The following DGLUCY variants were observed in gnomAD, a reference collection of about 807,000 sequenced individuals.
DGLUCY encodes D-glutamate cyclase, mitochondrial.
DGLUCY carries 58 observed loss-of-function variants against 58.5 expected under a neutral mutation model. The observed-to-expected ratio is 0.99, with a 90% confidence interval of 0.80 to 1.23. The LOEUF (loss-of-function observed/expected upper bound fraction) is 1.23, where lower values mean the gene tolerates loss of function less well. DGLUCY is among the 50% of genes most tolerant of loss of function. DGLUCY has a pLI of 0.00. For missense variants in DGLUCY, 779 were observed against 784.7 expected (o/e 0.99, Z 0.09); for synonymous variants, 325 against 314.1 (o/e 1.03, Z -0.37).
At chr14:91,116,723 A>G (rs1377798608) in intron 1 of DGLUCY, among the ~76,000 whole-genome samples, 1 of 152,218 alleles carries the variant, frequency 6.6e-6, no homozygotes, top group Non-Finnish European at 1.5e-5. Context: ...AGGCAGACAG[A>G]TCACAAGGTT....
At chr14:91,164,689 C>T (rs902562404) in intron 3 of DGLUCY, among the ~76,000 whole-genome samples, 8 of 152,278 alleles carry the variant, frequency 5.3e-5, no homozygotes, top group African/African-American at 1.2e-4. Context: ...CAAAGAGTCT[C>T]TCTCTCTCTC....
rs991125330 is a variant in DGLUCY at position 91,208,714 on chromosome 14, A to G, written c.1564+3889A>G. On this transcript the variant is annotated intron_variant, in intron 12 of 13. Transcript: ENST00000256324. ...CGGTGAGCCATGATTGTGCCACTAT[A>G]CTACAGCCTGGGTGACAGAGTCAGA... Among the ~76,000 whole-genome samples, 4 of 152,268 alleles carry G rather than the reference A, an allele frequency of 2.6e-5. No homozygotes were observed. In the East Asian group the frequency reaches 7.7e-4, roughly 29 times the overall value.
At position 91,126,918 on chromosome 14, in the gene DGLUCY, A is replaced by G. The variant is rs1489623626; in HGVS notation, c.-82+12635A>G. Among the ~76,000 whole-genome samples the G allele has an allele frequency of 2.0e-5, 3 of 152,096 alleles. No homozygotes were observed. In the East Asian group the frequency reaches 5.8e-4, roughly 29 times the overall value. ...AATAGCCACTGCACTCCACCCCTTG[A>G]CTGCCTGGCATCCATCCATGGCCTT... is the stretch of plus-strand genomic sequence containing the variant. On this transcript the variant is annotated intron_variant, in intron 1 of 13. Transcript: ENST00000256324.
chr14:91,173,912 C>G (rs987728851), intron 6 of DGLUCY, among the ~76,000 whole-genome samples: 2 of 151,886 alleles, frequency 1.3e-5, no homozygotes, highest in African/African-American at 4.8e-5. Flanking sequence ...ATTCCTGGCT[C>G]ATAACTCCTA....
intron 1 of DGLUCY, among the ~76,000 whole-genome samples, chr14:91,094,802 G>C (rs181545508): frequency 2.3e-3 from 344 of 150,718 alleles, no homozygotes; most frequent in Non-Finnish European, 3.7e-3. Context: ...TAGCCTGGGT[G>C]ACAAGAGCAA....
At chr14:91,208,158 A>G (rs777498230) in intron 12 of DGLUCY, among the ~76,000 whole-genome samples, 1 of 152,238 alleles carries the variant, frequency 6.6e-6, no homozygotes, top group Non-Finnish European at 1.5e-5. Flanking sequence ...AATAAAGACT[A>G]TGAAGCAAAT....
chr14:91,215,155 T>A (rs576276505), intron 12 of DGLUCY, among the ~76,000 whole-genome samples: 88 of 152,096 alleles, frequency 5.8e-4, no homozygotes, highest in Non-Finnish European at 9.0e-4. Context: ...TCTCAAAAAA[T>A]AATAATAATA....
At chr14:91,110,901 G>A (rs559773102), upstream of DGLUCY, among the ~76,000 whole-genome samples, 1 of 152,016 alleles carries the variant, frequency 6.6e-6, no homozygotes, top group East Asian at 1.9e-4. Context: ...GTAACTCCTC[G>A]TTCTCCTTCT....
chr14:91,084,517 A>G (rs1367493260), intron 1 of DGLUCY, among the ~76,000 whole-genome samples: 1 of 151,812 alleles, frequency 6.6e-6, no homozygotes, highest in African/African-American at 2.4e-5. Flanking sequence ...TCTGTCTCTC[A>G]TGCATCTCTT....
chr14:91,099,402 A>G (rs897161318), intron 1 of DGLUCY, among the ~76,000 whole-genome samples: 1 of 152,090 alleles, frequency 6.6e-6, no homozygotes, highest in Admixed American at 6.6e-5. Flanking sequence ...GCATGGGAGC[A>G]TAAACATGTA....
intron 12 of DGLUCY, among the ~76,000 whole-genome samples, chr14:91,210,563 AAAAT>A (rs1242303078): frequency 1.3e-5 from 2 of 152,110 alleles, no homozygotes; most frequent in African/African-American, 4.8e-5. Flanking sequence ...TTTTTAATAA[AAAAT>A]AAAAATCAAG....
At chr14:91,157,610 T>C (rs1468927961) in intron 1 of DGLUCY, 29 bp from the exon 2 acceptor site, 1 of 152,184 alleles carries the variant, frequency 6.6e-6, no homozygotes, top group African/African-American at 2.4e-5. Flanking sequence ...TTGGTGTATA[T>C]TGAAGGCATT....
intron 12 of DGLUCY, among the ~76,000 whole-genome samples, chr14:91,209,738 CA>C (rs2140680723): frequency 6.6e-6 from 1 of 151,940 alleles, no homozygotes; most frequent in East Asian, 1.9e-4. Context: ...AAACAGAAAG[CA>C]AAAAACAAAC....
chr14:91,194,485 A>G (rs1465868736), intron 9 of DGLUCY, among the ~76,000 whole-genome samples: 1 of 147,240 alleles, frequency 6.8e-6, no homozygotes, highest in African/African-American at 2.5e-5. Context: ...TGCCTTCCCC[A>G]CTTAGATGTG....
chr14:91,064,123 G>A (rs968061911), intron 1 of DGLUCY, among the ~76,000 whole-genome samples: 4 of 152,176 alleles, frequency 2.6e-5, no homozygotes, highest in African/African-American at 4.8e-5. Context: ...GAAGAGGATG[G>A]CAGTACCATT....
At chr14:91,125,607 T>A (rs2045626887) in intron 1 of DGLUCY, 1 of 152,256 alleles carries the variant, frequency 6.6e-6, no homozygotes, top group African/African-American at 2.4e-5. Flanking sequence ...ATTGTCCCTG[T>A]GTCTAGCAGT....
intron 11 of DGLUCY, among the ~76,000 whole-genome samples, chr14:91,201,424 G>C (rs1264763047): frequency 6.6e-6 from 1 of 151,724 alleles, no homozygotes; most frequent in South Asian, 2.1e-4. Context: ...TCAGCTTCCC[G>C]AGTAGCTAGG....
chr14:91,129,682 TGTTGCCCAG>T (rs2045925388), intron 1 of DGLUCY, among the ~76,000 whole-genome samples: 1 of 152,130 alleles, frequency 6.6e-6, no homozygotes, highest in South Asian at 2.1e-4. Flanking sequence ...GTTTCACTCT[TGTTGCCCAG>T]GCTGGAGTGC....
chr14:91,072,510 A>AGT (rs2043939349), intron 1 of DGLUCY, among the ~76,000 whole-genome samples: 1 of 152,084 alleles, frequency 6.6e-6, no homozygotes, highest in African/African-American at 2.4e-5. Context: ...GTTTTCTGTA[A>AGT]AATTAAACTT....
Sources: allele counts gnomAD v4.1 joint callset (sites outside exome capture counted in the v4.1 genomes callset), GRCh38; gene constraint gnomAD v4.1.1; transcripts MANE v1.5; gene names NCBI Gene and HGNC (gene_info 2026-07-23, HGNC 2026-07-21).